The following ANKRD62 variants were observed in gnomAD, a reference collection of about 807,000 sequenced individuals.
ANKRD62 encodes ankyrin repeat domain 62.
A neutral mutation model predicts 98.8 loss-of-function variants in ANKRD62; 61 were observed. The ratio of observed to expected loss-of-function variants is 0.62; its 90% CI spans 0.50 to 0.76. ANKRD62 has a LOEUF of 0.76. Ranked by LOEUF, ANKRD62 falls within the 30% of genes least tolerant of loss-of-function variation. The pLI is 0.00. For synonymous variants in ANKRD62, 341 were observed against 367.9 expected, an observed-to-expected ratio of 0.93 and a Z score of 0.84; for missense variants, 933 against 1,082.9, an observed-to-expected ratio of 0.86 and a Z score of 1.94.
the ANKRD62 span, among the ~76,000 whole-genome samples, chr18:12,146,536 C>G: frequency 6.6e-6 from 1 of 152,188 alleles, no homozygotes; most frequent in African/African-American, 2.4e-5. Flanking sequence ...ACCTCCGCCT[C>G]CTGGGTTCAA....
intron 8 of ANKRD62, among the ~76,000 whole-genome samples, chr18:12,110,542 A>T (rs1909516789): frequency 6.6e-6 from 1 of 152,240 alleles, no homozygotes; most frequent in East Asian, 1.9e-4. Context: ...GAACAAGAAG[A>T]AAATTAGGTC....
chr18:12,138,376 T>C, the ANKRD62 span, among the ~76,000 whole-genome samples: 2 of 152,262 alleles, frequency 1.3e-5, no homozygotes, highest in Admixed American at 6.5e-5. Context: ...TTCTCAATTC[T>C]GAGTTCTAGT....
the ANKRD62 span, among the ~76,000 whole-genome samples, chr18:12,176,662 A>G: frequency 2.9e-3 from 335 of 114,292 alleles, 61 homozygotes; most frequent in African/African-American, 0.01. Flanking sequence ...ATGTGAATCA[A>G]TAACTCTTGT....
At chr18:12,154,196 A>G in the ANKRD62 span, among the ~76,000 whole-genome samples, 1 of 152,232 alleles carries the variant, frequency 6.6e-6, no homozygotes, top group East Asian at 1.9e-4. Context: ...TTTGCAAACT[A>G]TGAATCTGAC....
In ANKRD62 at chr18:12,094,024, G is replaced by A. The variant is rs1288992829; in HGVS notation, c.7G>A (p.Val3Ile). 2 of 1,535,080 alleles carry A rather than the reference G, an allele frequency of 1.3e-6. No individual in the cohort carries two copies. Among genetic ancestry groups the A allele is most frequent in the South Asian group, 2.4e-5 (2 of 84,026 alleles). The change falls in exon 1 of 14, where the codon GTC becomes ATC. Residue 3 changes from valine to isoleucine, a missense_variant. Around this residue, in one of 3 missense-constraint regions of ANKRD62, gnomAD observed 549 missense variants for 587.9 expected, o/e 0.93. Coordinates refer to ENST00000587848, the MANE Select transcript of ANKRD62 (RefSeq NM_001277333.2). ME[V>I]RGSFLAACRR... is the part of the protein sequence containing the mutation. ...GAAGATCTCTGGCTTCAGGATGGAG[G>A]TCAGGGGGTCGTTCCTGGCGGCCTG...
chr18:12,152,431 C>T, the ANKRD62 span, among the ~76,000 whole-genome samples: 1 of 152,106 alleles, frequency 6.6e-6, no homozygotes, highest in African/African-American at 2.4e-5. Context: ...TTGGTTTAAC[C>T]TATGCAAATC....
chr18:12,137,082 A>C, the ANKRD62 span, among the ~76,000 whole-genome samples: 1 of 152,100 alleles, frequency 6.6e-6, no homozygotes, highest in Non-Finnish European at 1.5e-5. Context: ...TTCCAACACT[A>C]TGTTGAATAG....
chr18:12,103,534 A>C (rs1449521984), intron 7 of ANKRD62, among the ~76,000 whole-genome samples: 1 of 152,152 alleles, frequency 6.6e-6, no homozygotes, highest in Non-Finnish European at 1.5e-5. Context: ...AATAAAAATT[A>C]TGAATAATTT....
At chr18:12,162,804 T>G in the ANKRD62 span, among the ~76,000 whole-genome samples, 1 of 152,170 alleles carries the variant, frequency 6.6e-6, no homozygotes, top group Admixed American at 6.5e-5. Context: ...CTTAGCACCT[T>G]TGTTGAAAAT....
intron 6 of ANKRD62, 40 bp downstream of exon 6, chr18:12,099,722 C>A: frequency 1.7e-6 from 2 of 1,204,408 alleles, no homozygotes; most frequent in Non-Finnish European, 2.2e-6. Flanking sequence ...ATGGTCCTGT[C>A]ATAGATAAAA....
chr18:12,167,779 TC>T, the ANKRD62 span, among the ~76,000 whole-genome samples: 1 of 152,224 alleles, frequency 6.6e-6, no homozygotes, highest in Non-Finnish European at 1.5e-5. Flanking sequence ...TTTCTCCATA[TC>T]CTCTCCAGCA....
chr18:12,158,838 A>T, the ANKRD62 span, among the ~76,000 whole-genome samples: 9 of 151,986 alleles, frequency 5.9e-5, no homozygotes, highest in Non-Finnish European at 1.2e-4. Context: ...CCGGCCAGAA[A>T]TTTTTTATTT....
the ANKRD62 span, among the ~76,000 whole-genome samples, chr18:12,158,638 G>C: frequency 6.6e-6 from 1 of 150,844 alleles, no homozygotes; most frequent in Non-Finnish European, 1.5e-5. Context: ...CCATTCTCCT[G>C]CCTCAGCCTC....
chr18:12,154,605 A>G, the ANKRD62 span, among the ~76,000 whole-genome samples: 2 of 152,176 alleles, frequency 1.3e-5, no homozygotes, highest in Non-Finnish European at 2.9e-5. Flanking sequence ...CCACCCAGCA[A>G]TCCCATTACT....
At chr18:12,175,780 G>T in the ANKRD62 span, among the ~76,000 whole-genome samples, 1 of 151,982 alleles carries the variant, frequency 6.6e-6, no homozygotes, top group Admixed American at 6.5e-5. Context: ...CATCTAAATA[G>T]AATTTGTTTT....
At chr18:12,112,111 CAAAAAAA>C (rs34392499) in intron 8 of ANKRD62, among the ~76,000 whole-genome samples, 27 of 29,512 alleles carry the variant, frequency 9.1e-4, no homozygotes, top group Non-Finnish European at 2.5e-3. Context: ...GACTCCAACT[CAAAAAAA>C]AAAAAAAAAA....
intron 8 of ANKRD62, among the ~76,000 whole-genome samples, chr18:12,113,343 C>G (rs1202554196): frequency 1.3e-5 from 2 of 152,146 alleles, no homozygotes; most frequent in Admixed American, 1.3e-4. Flanking sequence ...ATTAAAAAGT[C>G]CAGGCTGGGC....
intron 7 of ANKRD62, among the ~76,000 whole-genome samples, chr18:12,104,831 A>G (rs539419054): frequency 2.0e-4 from 31 of 152,240 alleles, no homozygotes; most frequent in African/African-American, 7.5e-4. Context: ...TCTCATTTAT[A>G]CTCTTGGCCT....
chr18:12,101,197 A>G (rs1598730677), intron 6 of ANKRD62, among the ~76,000 whole-genome samples: 1 of 152,178 alleles, frequency 6.6e-6, no homozygotes. Flanking sequence ...TTTTTTAATT[A>G]TACAACATTT....
Sources: gnomAD v4.1 joint callset for allele counts (sites outside exome capture counted in the v4.1 genomes callset) on GRCh38, gnomAD v4.1.1 for gene constraint, gnomAD v4.1.1 regional missense constraint, MANE v1.5 for transcripts, NCBI Gene and HGNC (gene_info 2026-07-23, HGNC 2026-07-21) for gene names.